GALNT13: variants seen among roughly 807,000 people sequenced by gnomAD.
GALNT13 encodes UDP-GalNAc:polypeptide N-acetylgalactosaminyltransferase 13.
A neutral mutation model predicts 64.2 loss-of-function variants in GALNT13; 28 were observed. The observed-to-expected ratio is 0.44, with a 90% CI of 0.32 to 0.60. The LOEUF (loss-of-function observed/expected upper bound fraction) is 0.60, where lower values mean the gene tolerates loss of function less well. Ranked by LOEUF, GALNT13 falls within the 20% of genes least tolerant of loss-of-function variation. The pLI is 0.05. For missense variants in GALNT13, 577 were observed against 669.8 expected (o/e 0.86, Z 1.53); for synonymous variants, 214 against 224.6 (o/e 0.95, Z 0.42).
At chr2:153,599,988 T>C in the GALNT13 span, among the ~76,000 whole-genome samples, 1 of 152,020 alleles carries the variant, frequency 6.6e-6, no homozygotes. Context: ...ACTGACTTCA[T>C]GCAAACATTC....
chr2:153,677,850 C>T, the GALNT13 span, among the ~76,000 whole-genome samples: 1 of 151,934 alleles, frequency 6.6e-6, no homozygotes, highest in Non-Finnish European at 1.5e-5. Context: ...TGAAACTGGA[C>T]CCGTTCCTTT....
At chr2:153,997,054 A>G (rs1282501380) in intron 3 of GALNT13, among the ~76,000 whole-genome samples, 1 of 152,072 alleles carries the variant, frequency 6.6e-6, no homozygotes, top group Non-Finnish European at 1.5e-5. Flanking sequence ...TGTCAGTACC[A>G]TGCTGTTTTG....
At chr2:153,828,889 C>G in the GALNT13 span, among the ~76,000 whole-genome samples, 1 of 152,154 alleles carries the variant, frequency 6.6e-6, no homozygotes, top group Non-Finnish European at 1.5e-5. Context: ...TGCTCAGAAA[C>G]TTCTTCTGCC....
At chr2:154,077,481 G>T (rs1255849214) in intron 3 of GALNT13, among the ~76,000 whole-genome samples, 1 of 151,420 alleles carries the variant, frequency 6.6e-6, no homozygotes, top group Non-Finnish European at 1.5e-5. Context: ...CATATCATTT[G>T]TGCCCTTATT....
chr2:154,140,445 AC>A lies in GALNT13; in HGVS notation c.253del (p.Met86TrpfsTer5). On this transcript the variant is annotated frameshift_variant, in exon 4 of 13. Coordinates refer to ENST00000392825, the MANE Select transcript of GALNT13 (RefSeq NM_052917.4). LOFTEE classifies it high-confidence loss of function. ...GAGCTGTTTAAAATCAATCAGTTTAACCTTATGGCCAGTGATTTGATTGCCC... is the reference window on the plus strand; with the variant it reads ...GAGCTGTTTAAAATCAATCAGTTTAACTTATGGCCAGTGATTTGATTGCCC... ...MKELFKINQFNLMASDLIALN... is the reference protein window; with the variant it reads ...MKELFKINQFXLMASDLIALN... 1 of 1,612,920 alleles carries A rather than the reference AC, an allele frequency of 6.2e-7. No individual in the cohort carries two copies. Among genetic ancestry groups the A allele is most frequent in the South Asian group, 1.1e-5 (1 of 91,050 alleles).
At chr2:153,256,514 C>A in the GALNT13 span, among the ~76,000 whole-genome samples, 1 of 152,222 alleles carries the variant, frequency 6.6e-6, no homozygotes, top group Non-Finnish European at 1.5e-5. Flanking sequence ...TGGTGAGGAA[C>A]TGCGTTCCTT....
At chr2:153,793,605 G>A in the GALNT13 span, among the ~76,000 whole-genome samples, 1 of 150,368 alleles carries the variant, frequency 6.7e-6, no homozygotes, top group South Asian at 2.1e-4. Flanking sequence ...AATATTTTCA[G>A]TTAGAAAACA....
the GALNT13 span, among the ~76,000 whole-genome samples, chr2:153,096,213 T>C: frequency 1.3e-5 from 2 of 152,150 alleles, no homozygotes; most frequent in African/African-American, 4.8e-5. Context: ...TCCACTGTGG[T>C]CAGAGAAGAT....
At chr2:154,395,812 T>C (rs1699027711) in intron 9 of GALNT13, among the ~76,000 whole-genome samples, 179 bp from the exon 10 acceptor site, 1 of 152,170 alleles carries the variant, frequency 6.6e-6, no homozygotes, top group African/African-American at 2.4e-5. Flanking sequence ...AGAAGTGTTA[T>C]TTATATCTAT....
At chr2:153,088,618 A>G in the GALNT13 span, among the ~76,000 whole-genome samples, 1 of 152,180 alleles carries the variant, frequency 6.6e-6, no homozygotes, top group South Asian at 2.1e-4. Flanking sequence ...TCTAGTAGTA[A>G]TTGTTTTGTA....
chr2:153,492,201 CT>C, the GALNT13 span, among the ~76,000 whole-genome samples: 1 of 152,088 alleles, frequency 6.6e-6, no homozygotes. Context: ...ATATGAAAGC[CT>C]AACCTGAAGA....
At chr2:154,062,922 A>C (rs545461655) in intron 3 of GALNT13, among the ~76,000 whole-genome samples, 1 of 151,772 alleles carries the variant, frequency 6.6e-6, no homozygotes, top group Non-Finnish European at 1.5e-5. Flanking sequence ...TGCTTTCGTC[A>C]TAATTTTAAC....
the GALNT13 span, among the ~76,000 whole-genome samples, chr2:153,579,899 G>A: frequency 6.6e-6 from 1 of 152,142 alleles, no homozygotes; most frequent in Admixed American, 6.6e-5. Flanking sequence ...CCCACCTTCT[G>A]TGGAAAAATT....
At chr2:153,772,490 G>C in the GALNT13 span, among the ~76,000 whole-genome samples, 2 of 152,040 alleles carry the variant, frequency 1.3e-5, no homozygotes, top group African/African-American at 4.8e-5. Context: ...GCCATCACGG[G>C]GCTGCTTGCC....
chr2:153,560,540 A>G, the GALNT13 span, among the ~76,000 whole-genome samples: 2 of 152,098 alleles, frequency 1.3e-5, no homozygotes, highest in African/African-American at 4.8e-5. Flanking sequence ...CAAATTCTAT[A>G]CATTTCCACA....
intron 3 of GALNT13, among the ~76,000 whole-genome samples, chr2:154,083,838 G>T (rs931764829): frequency 1.3e-5 from 2 of 151,862 alleles, no homozygotes; most frequent in East Asian, 3.9e-4. Flanking sequence ...AGAAAGTAAT[G>T]GTTTGTGAAT....
the GALNT13 span, among the ~76,000 whole-genome samples, chr2:153,183,559 A>G: frequency 1.1e-4 from 16 of 152,024 alleles, no homozygotes; most frequent in African/African-American, 3.1e-4. Context: ...CTATGTCCTG[A>G]TTAGTATTGC....
At chr2:153,411,227 A>C in the GALNT13 span, among the ~76,000 whole-genome samples, 1 of 151,000 alleles carries the variant, frequency 6.6e-6, no homozygotes, top group African/African-American at 2.4e-5. Context: ...GTCATATAGT[A>C]AATTCATTCA....
chr2:153,572,229 T>C, the GALNT13 span, among the ~76,000 whole-genome samples: 1 of 151,778 alleles, frequency 6.6e-6, no homozygotes, highest in Non-Finnish European at 1.5e-5. Flanking sequence ...TTTGTTGACA[T>C]ATAGTTGCTC....
Sources: allele counts gnomAD v4.1 joint callset (sites outside exome capture counted in the v4.1 genomes callset), GRCh38; gene constraint gnomAD v4.1.1; transcripts MANE v1.5; gene names NCBI Gene and HGNC (gene_info 2026-07-23, HGNC 2026-07-21).